Variants in TTLL1 observed in about 807,000 individuals in gnomAD.
The protein encoded by TTLL1 is TTL family tubulin polyglutamylase complex subunit L1, also known as polyglutamylase complex subunit TTLL1.
Under a neutral mutation model 47.8 loss-of-function variants are expected in TTLL1, and 33 were observed. The ratio of observed to expected loss-of-function variants is 0.69; its 90% confidence interval spans 0.52 to 0.92. The LOEUF is 0.92. Ranked by LOEUF, TTLL1 falls within the 40% of genes least tolerant of loss-of-function variation. The pLI is 0.00. For synonymous variants in TTLL1, 225 were observed against 214.1 expected (o/e 1.05, Z -0.45); for missense variants, 488 against 547.5 (o/e 0.89, Z 1.08).
intron 1 of TTLL1, among the ~76,000 whole-genome samples, chr22:43,084,887 C>A (rs748935483): frequency 2.6e-5 from 4 of 151,484 alleles, no homozygotes; most frequent in Non-Finnish European, 4.4e-5. Context: ...CCTGGCTGGG[C>A]ACTGGAGCTC....
Position 43,063,921 on chromosome 22 carries a change from C to T in TTLL1, c.639G>A (p.Met213Ile). The T allele has an allele frequency of 2.5e-6, 4 of 1,613,724 alleles. No homozygotes were observed. The highest frequency in any genetic ancestry group is 2.5e-6 in the Non-Finnish European group (3 of 1,179,768). ...VSTYRPLRCYMYKLGFCRFCT... is the reference protein window; with the variant it reads ...VSTYRPLRCYIYKLGFCRFCT... ...AGAACCGGCAAAACCCAAGCTTGTACCTAGGAGGGAATGTAGATTAATTCA... is the reference window on the plus strand; with the variant it reads ...AGAACCGGCAAAACCCAAGCTTGTATCTAGGAGGGAATGTAGATTAATTCA... The change falls in exon 7 of 11, where the codon ATG becomes ATA. Residue 213 changes from methionine (M) to isoleucine (I), a missense_variant and splice_region_variant. By Grantham distance (10) the Met-to-Ile change is conservative. Coordinates refer to ENST00000266254, the MANE Select transcript of TTLL1 (RefSeq NM_012263.5).
intron 7 of TTLL1, 133 bp downstream of exon 7, chr22:43,063,680 G>T: frequency 1.5e-6 from 1 of 664,158 alleles, no homozygotes; most frequent in African/African-American, 1.8e-5. Flanking sequence ...TCGTCAGGCT[G>T]GTCTCGAACT....
Position 43,068,609 on chromosome 22 carries a change from C to A in TTLL1, c.323-19G>T. 6.9e-7 allele frequency: 1 copy of A among 1,442,526 alleles called. No homozygotes were observed. Among genetic ancestry groups the A allele is most frequent in the South Asian group, 1.6e-5 (1 of 63,268 alleles). The allele number at this position is 1,442,526 out of a possible 1,614,324, so 89.4% of individuals were successfully genotyped here. The stretch of plus-strand genomic sequence containing the variant: ...ACAAAGTCTGCAAGGCAAAGACACC[C>A]AGCACTGGTAAGCAGCCAGCCCAAC... On this transcript the variant is annotated intron_variant, in intron 4 of 10. Transcript: ENST00000266254.
chr22:43,068,133 T>A lies in TTLL1; in HGVS notation c.503+277A>T, dbSNP rs867920606. Reference sequence around the variant, plus strand: ...CCAGCCGCAAAACCCCATCTCTATTTAAAAAAAAAAAACTCTATTAAAAAA... The same window carrying A: ...CCAGCCGCAAAACCCCATCTCTATTAAAAAAAAAAAAACTCTATTAAAAAA... On this transcript the variant is annotated intron_variant, in intron 5 of 10. Transcript: ENST00000266254. Among the ~76,000 whole-genome samples the A allele has an allele frequency of 1.5e-4, 21 of 141,834 alleles. 1 individual carries two copies. The highest frequency in any genetic ancestry group is 4.6e-4 in the African/African-American group (18 of 38,720). 93.0% of individuals were successfully genotyped at this position (141,834 alleles called of 152,430 possible).
chr22:43,041,896 T>C (rs1383010322), intron 10 of TTLL1, among the ~76,000 whole-genome samples: 1 of 152,100 alleles, frequency 6.6e-6, no homozygotes, highest in Non-Finnish European at 1.5e-5. Flanking sequence ...AGGATGATGA[T>C]ACAGGGGCCT....
intron 10 of TTLL1, 43 bp downstream of exon 10, chr22:43,046,367 C>T (rs760792235): frequency 2.6e-5 from 41 of 1,605,114 alleles, no homozygotes; most frequent in South Asian, 2.2e-4. Flanking sequence ...ACACGCCATT[C>T]GGAAACACAG....
At chr22:43,075,119 C>T (rs1170131506) in intron 3 of TTLL1, among the ~76,000 whole-genome samples, 4 of 152,078 alleles carry the variant, frequency 2.6e-5, no homozygotes, top group Admixed American at 6.6e-5. Flanking sequence ...GAGCTGAGAT[C>T]GCACCATTGC....
intron 1 of TTLL1, among the ~76,000 whole-genome samples, chr22:43,083,855 T>C (rs1235382748): frequency 6.6e-6 from 1 of 152,178 alleles, no homozygotes; most frequent in East Asian, 1.9e-4. Flanking sequence ...AGCAAAATTC[T>C]TGATTTAATT....
chr22:43,059,251 C>T (rs1927233273), intron 8 of TTLL1, 133 bp downstream of exon 8: 1 of 1,333,518 alleles, frequency 7.5e-7, no homozygotes, highest in Non-Finnish European at 1.0e-6. Context: ...GCCTCGGCCT[C>T]CCAGCTTGCT....
At chr22:43,076,758 T>A (rs1807635704) in intron 2 of TTLL1, among the ~76,000 whole-genome samples, 1 of 149,072 alleles carries the variant, frequency 6.7e-6, no homozygotes, top group Admixed American at 6.7e-5. Context: ...CTCAAAATAA[T>A]AATAATAATA....
At chr22:43,055,536 G>T (rs760840713) in intron 8 of TTLL1, among the ~76,000 whole-genome samples, 5 of 151,982 alleles carry the variant, frequency 3.3e-5, no homozygotes, top group Non-Finnish European at 7.4e-5. Context: ...CTCGCATGTT[G>T]CCCAGGCTGG....
chr22:43,052,107 G>T, intron 8 of TTLL1: 1 of 554,396 alleles, frequency 1.8e-6, no homozygotes, highest in Non-Finnish European at 3.3e-6. Flanking sequence ...TGATGAAGCC[G>T]TAATGGGCAT....
intron 9 of TTLL1, 102 bp from the exon 10 acceptor site, chr22:43,046,675 A>C (rs979965612): frequency 7.1e-6 from 10 of 1,406,280 alleles, no homozygotes; most frequent in Non-Finnish European, 9.7e-6. Context: ...CACTTTAGTG[A>C]AGTTTTTTTT....
intron 8 of TTLL1, among the ~76,000 whole-genome samples, chr22:43,056,761 G>A (rs896377669): frequency 6.6e-6 from 1 of 151,730 alleles, no homozygotes; most frequent in Non-Finnish European, 1.5e-5. Context: ...CTCCAGCCTG[G>A]GTGACAGAGA....
At chr22:43,085,983 C>T (rs924147246) in intron 1 of TTLL1, among the ~76,000 whole-genome samples, 1 of 152,148 alleles carries the variant, frequency 6.6e-6, no homozygotes, top group East Asian at 1.9e-4. Context: ...GCTCCAAAAT[C>T]GTGTGTAGAC....
At chr22:43,050,983 T>C (rs1278440727) in intron 9 of TTLL1, among the ~76,000 whole-genome samples, 1 of 152,224 alleles carries the variant, frequency 6.6e-6, no homozygotes, top group Non-Finnish European at 1.5e-5. Context: ...GGGGTTCCCA[T>C]GACTCTACCC....
chr22:43,041,567 T>TGTA (rs1419145988), intron 10 of TTLL1, among the ~76,000 whole-genome samples: 1 of 137,602 alleles, frequency 7.3e-6, no homozygotes, highest in African/African-American at 2.8e-5. Context: ...CAGACTGGAG[T>TGTA]GTAGTGGCCC....
intron 3 of TTLL1, among the ~76,000 whole-genome samples, chr22:43,074,183 T>C (rs745797263): frequency 1.9e-4 from 29 of 151,600 alleles, no homozygotes; most frequent in Non-Finnish European, 3.8e-4. Context: ...TCCTAGCACT[T>C]TGGGAGGCCA....
intron 5 of TTLL1, among the ~76,000 whole-genome samples, chr22:43,066,985 C>G (rs575961339): frequency 6.6e-6 from 1 of 151,052 alleles, no homozygotes; most frequent in African/African-American, 2.4e-5. Context: ...GAGACTCCAT[C>G]TCAAAAGAAA....
Sources: allele counts gnomAD v4.1 joint callset (sites outside exome capture counted in the v4.1 genomes callset), GRCh38; gene constraint gnomAD v4.1.1; transcripts MANE v1.5; gene names NCBI Gene and HGNC (gene_info 2026-07-23, HGNC 2026-07-21).